The following ZNF665 variants were observed in gnomAD, a reference collection of about 807,000 sequenced individuals.
ZNF665 encodes zinc finger protein 665.
Under a neutral mutation model 7.9 loss-of-function variants are expected in ZNF665, and 6 were observed. That is an observed-to-expected ratio of 0.76 (90% confidence interval 0.42 to 1.50). The LOEUF is 1.50. Ranked by LOEUF, ZNF665 falls within the 40% of genes most tolerant of loss-of-function variation. The pLI, the probability that ZNF665 is intolerant of heterozygous loss-of-function variation, is 0.01. For missense variants in ZNF665, 819 were observed against 806.7 expected, an observed-to-expected ratio of 1.02 and a Z score of -0.18; for synonymous variants, 242 against 274.5, an observed-to-expected ratio of 0.88 and a Z score of 1.17.
intron 3 of ZNF665, among the ~76,000 whole-genome samples, chr19:53,172,582 T>C (rs1267456673): frequency 6.6e-6 from 1 of 152,234 alleles, no homozygotes; most frequent in East Asian, 1.9e-4. Flanking sequence ...CTCAGCACTT[T>C]GGGAGGCCAA....
intron 2 of ZNF665, 35 bp from the exon 3 acceptor site, chr19:53,175,606 G>A (rs772873273): frequency 6.4e-7 from 1 of 1,570,824 alleles, no homozygotes; most frequent in South Asian, 1.2e-5. Context: ...AAGTGACTAT[G>A]AGGAAAATTT....
At chr19:53,180,325 C>T (rs906039563) in intron 2 of ZNF665, among the ~76,000 whole-genome samples, 4 of 151,512 alleles carry the variant, frequency 2.6e-5, no homozygotes, top group African/African-American at 9.7e-5. Flanking sequence ...CCCAGCTACT[C>T]GGGAGGCTGA....
chr19:53,189,051 C>CTGTGTGTGTGTCTGTG lies in ZNF665; in HGVS notation c.-46+4260_-46+4261insCACAGACACACACACA, dbSNP rs757222280. Among the ~76,000 whole-genome samples the CTGTGTGTGTGTCTGTG allele has an allele frequency of 4.0e-3, 545 of 137,744 alleles. 7 individuals carry two copies. Among genetic ancestry groups the CTGTGTGTGTGTCTGTG allele is most frequent in the African/African-American group, 0.012 (462 of 38,272 alleles). 90.4% of individuals were successfully genotyped at this position (137,744 alleles called of 152,430 possible). A position where few individuals can be genotyped will look rare whatever the true frequency, so the allele number is the denominator to read the frequency against. ...AGATGAGAAAGAAAGGCTTTATTTT[C>CTGTGTGTGTGTCTGTG]TGTGTGTGTGTGTGTGTGTGTGTGT... On this transcript the variant is annotated intron_variant, in intron 1 of 3. Coordinates refer to ENST00000396424, the MANE Select transcript of ZNF665 (RefSeq NM_024733.5).
chr19:53,191,519 C>T (rs2090816545), intron 1 of ZNF665, among the ~76,000 whole-genome samples: 1 of 152,212 alleles, frequency 6.6e-6, no homozygotes, highest in Non-Finnish European at 1.5e-5. Context: ...ATCTCCATAA[C>T]AGAAACAAAA....
intron 3 of ZNF665, among the ~76,000 whole-genome samples, chr19:53,167,161 CAGACTAATTTTGTATTTTTAGTAG>C (rs2146838908): frequency 6.6e-6 from 1 of 151,960 alleles, no homozygotes; most frequent in South Asian, 2.1e-4. Flanking sequence ...ACCACCAGGC[CAGACTAATTTTGTATTTTTAGTAG>C]AGACAGGGTT....
chr19:53,183,313 G>C (rs542089812), intron 1 of ZNF665, among the ~76,000 whole-genome samples: 38 of 152,256 alleles, frequency 2.5e-4, no homozygotes, highest in African/African-American at 9.1e-4. Context: ...GTCATAGGCT[G>C]ATCTCAGCCT....
chr19:53,175,504 G>C lies in ZNF665; in HGVS notation c.83C>G (p.Ala28Gly), dbSNP rs762494459. 1 of 1,613,192 alleles carries C rather than the reference G, an allele frequency of 6.2e-7. No homozygotes were observed. The highest frequency in any genetic ancestry group is 1.7e-5 in the Admixed American group (1 of 59,824). ...GACGTCCCTGTACAAAGTCTTCTGA[G>C]CAGGGTCCAGGCATGTCCACTCCTC... is the stretch of plus-strand genomic sequence containing the variant. ...SQEEWTCLDP[A>G]QKTLYRDVML... Residue 28 changes from alanine to glycine, a missense_variant, in exon 3 of 4, where the codon GCT becomes GGT. Physicochemically the swap from Ala to Gly is moderately conservative, Grantham distance 60. Coordinates refer to ENST00000396424, the MANE Select transcript of ZNF665 (RefSeq NM_024733.5).
In ZNF665 at chr19:53,162,503, G is replaced by A. The variant is rs1221887612; in HGVS notation, c.*1950C>T. 1 of 152,112 alleles carries A rather than the reference G, an allele frequency of 6.6e-6. No individual in the cohort carries two copies. 9.4% of individuals were successfully genotyped at this position (152,112 alleles called of 1,614,324 possible). A position where few individuals can be genotyped will look rare whatever the true frequency, so the allele number is the denominator to read the frequency against. On this transcript the variant is annotated 3_prime_UTR_variant, in exon 4 of 4. Coordinates refer to ENST00000396424, the MANE Select transcript of ZNF665 (RefSeq NM_024733.5). ...TAAATAGTAGCAAAATGTGATTCCA[G>A]CAGTTAATGTAAATCCTAGTAACAA... is the stretch of plus-strand genomic sequence containing the variant.
At position 53,171,524 on chromosome 19, in the gene ZNF665, A is replaced by ATATATATATATATAT. The variant is rs372855271; in HGVS notation, c.142+3920_142+3921insATATATATATATATA. ...TGTGTGTATATATATATATATATAT[A>ATATATATATATATAT]TTTTTTTTTTTTTTTTCTTTTTTTA... On this transcript the variant is annotated intron_variant, in intron 3 of 3. Transcript: ENST00000396424. Among the ~76,000 whole-genome samples the ATATATATATATATAT allele has an allele frequency of 7.6e-3, 529 of 69,238 alleles. 9 individuals are homozygous for ATATATATATATATAT. Among genetic ancestry groups the ATATATATATATATAT allele is most frequent in the Non-Finnish European group, 0.011 (419 of 37,748 alleles). 45.4% of individuals were successfully genotyped at this position (69,238 alleles called of 152,430 possible).
At chr19:53,182,976 A>T in intron 1 of ZNF665, 33 bp from the exon 2 acceptor site, 1 of 1,579,456 alleles carries the variant, frequency 6.3e-7, no homozygotes, top group South Asian at 1.1e-5. Context: ...TTAGAATTCA[A>T]TCCTGAATGT....
chr19:53,191,473 T>C (rs1599891339), intron 1 of ZNF665, among the ~76,000 whole-genome samples: 1 of 152,278 alleles, frequency 6.6e-6, no homozygotes, highest in Admixed American at 6.5e-5. Flanking sequence ...AAAATGCACA[T>C]GTCTTATAGA....
chr19:53,172,100 T>C (rs772639745), intron 3 of ZNF665, among the ~76,000 whole-genome samples: 6 of 152,228 alleles, frequency 3.9e-5, no homozygotes, highest in East Asian at 1.9e-4. Context: ...TAATAATTTA[T>C]GCATTCATGA....
chr19:53,174,237 C>G (rs1432477396), intron 3 of ZNF665, among the ~76,000 whole-genome samples: 1 of 151,966 alleles, frequency 6.6e-6, no homozygotes, highest in Non-Finnish European at 1.5e-5. Flanking sequence ...GGAGAGCAAC[C>G]CTTTTGAAAG....
intron 3 of ZNF665, among the ~76,000 whole-genome samples, chr19:53,173,353 C>T (rs2090672355): frequency 6.8e-6 from 1 of 148,060 alleles, no homozygotes; most frequent in African/African-American, 2.5e-5. Flanking sequence ...GCCATATATC[C>T]ATCATTTTTT....
At chr19:53,168,717 CAG>C (rs1162593346) in intron 3 of ZNF665, among the ~76,000 whole-genome samples, 4 of 152,046 alleles carry the variant, frequency 2.6e-5, no homozygotes, top group Non-Finnish European at 4.4e-5. Flanking sequence ...GTCATCAAGA[CAG>C]TGTGATTATT....
chr19:53,173,372 C>CTTTTTTTTTTTTTTTTTTTTT (rs34425717), intron 3 of ZNF665, among the ~76,000 whole-genome samples: 1 of 78,880 alleles, frequency 1.3e-5, no homozygotes, highest in African/African-American at 4.8e-5. Flanking sequence ...TTTTTTCACT[C>CTTTTTTTTTTTTTTTTTTTTT]TTTTTTTTTT....
intron 3 of ZNF665, 50 bp downstream of exon 3, chr19:53,175,395 A>T: frequency 6.3e-7 from 1 of 1,582,548 alleles, no homozygotes; most frequent in Non-Finnish European, 8.6e-7. Context: ...AGGGAAAATG[A>T]AAACATACAC....
rs1347824921 is a variant in ZNF665, at chr19:53,162,875, C to T, written c.*1578G>A. 1 of 151,074 alleles carries T rather than the reference C, an allele frequency of 6.6e-6. No homozygotes were observed. Among genetic ancestry groups the T allele is most frequent in the East Asian group, 1.9e-4 (1 of 5,146 alleles). The allele number at this position is 151,074 out of a possible 1,614,324, so 9.4% of individuals were successfully genotyped here. A position where few individuals can be genotyped will look rare whatever the true frequency, so the allele number is the denominator to read the frequency against. Reference sequence around the variant, plus strand: ...CTCAAAAAAAAAAAAAAAAATCAATCTTTGCTATGCAACAGCTATTGGCAT... The same window carrying T: ...CTCAAAAAAAAAAAAAAAAATCAATTTTTGCTATGCAACAGCTATTGGCAT... On this transcript the variant is annotated 3_prime_UTR_variant, in exon 4 of 4. Coordinates refer to ENST00000396424, the MANE Select transcript of ZNF665 (RefSeq NM_024733.5).
intron 3 of ZNF665, among the ~76,000 whole-genome samples, chr19:53,175,119 A>C (rs181766498): frequency 1.3e-4 from 20 of 152,178 alleles, no homozygotes; most frequent in Non-Finnish European, 2.8e-4. Context: ...AGTGGTTAGG[A>C]AACACCACAC....
Sources: gnomAD v4.1 joint callset for allele counts (sites outside exome capture counted in the v4.1 genomes callset) on GRCh38, gnomAD v4.1.1 for gene constraint, MANE v1.5 for transcripts, NCBI Gene and HGNC (gene_info 2026-07-23, HGNC 2026-07-21) for gene names.